Variants in DNAH7 observed in about 807,000 individuals in gnomAD.
DNAH7 encodes dynein axonemal heavy chain 7.
In DNAH7, 397 loss-of-function variants were observed where a neutral mutation model predicts 444.6. That is an observed-to-expected ratio of 0.89 (90% CI 0.82 to 0.97). The LOEUF (loss-of-function observed/expected upper bound fraction) is 0.97, where lower values mean the gene tolerates loss of function less well. DNAH7 is among the 50% of genes least tolerant of loss of function. The pLI is 0.00. For synonymous variants in DNAH7, 1,636 were observed against 1,624.4 expected, an observed-to-expected ratio of 1.01 and a Z score of -0.17; for missense variants, 4,902 against 4,800.8, an observed-to-expected ratio of 1.02 and a Z score of -0.62.
chr2:196,045,384 G>T (rs188690693), intron 5 of DNAH7, among the ~76,000 whole-genome samples: 5 of 152,006 alleles, frequency 3.3e-5, no homozygotes, highest in Admixed American at 2.0e-4. Context: ...GAGAGACAAA[G>T]AAAGAAAGGC....
chr2:195,835,096 T>G (rs971628607), intron 47 of DNAH7, among the ~76,000 whole-genome samples: 8 of 152,166 alleles, frequency 5.3e-5, no homozygotes, highest in African/African-American at 1.9e-4. Context: ...TATCTGCAAT[T>G]ACTGTATGAT....
intron 5 of DNAH7, among the ~76,000 whole-genome samples, chr2:196,033,090 A>G (rs1696161685): frequency 6.6e-6 from 1 of 152,228 alleles, no homozygotes; most frequent in Admixed American, 6.5e-5. Flanking sequence ...AAATTTGGAA[A>G]GGAAATGATA....
chr2:195,811,980 C>CA (rs1696992483), intron 51 of DNAH7, among the ~76,000 whole-genome samples: 1 of 152,160 alleles, frequency 6.6e-6, no homozygotes, highest in Non-Finnish European at 1.5e-5. Flanking sequence ...GCAACTTCCC[C>CA]AATCACTCCT....
At chr2:195,957,744 A>G (rs929281328) in intron 18 of DNAH7, among the ~76,000 whole-genome samples, 3 of 152,114 alleles carry the variant, frequency 2.0e-5, no homozygotes, top group Non-Finnish European at 2.9e-5. Context: ...GTTCTACAAA[A>G]TATGTTTAAA....
At chr2:195,882,935 G>A (rs1026229148) in intron 35 of DNAH7, among the ~76,000 whole-genome samples, 12 of 152,264 alleles carry the variant, frequency 7.9e-5, no homozygotes, top group African/African-American at 2.9e-4. Flanking sequence ...ACTCACTGAG[G>A]CTAGCACTGT....
At chr2:196,037,946 G>A (rs1696497884) in intron 5 of DNAH7, among the ~76,000 whole-genome samples, 1 of 152,052 alleles carries the variant, frequency 6.6e-6, no homozygotes, top group Admixed American at 6.6e-5. Context: ...AACATATATA[G>A]TTAATCTGTC....
intron 45 of DNAH7, among the ~76,000 whole-genome samples, chr2:195,855,271 ATT>A (rs1182635135): frequency 2.6e-5 from 4 of 152,146 alleles, no homozygotes; most frequent in African/African-American, 9.7e-5. Context: ...TTAGCAGTTA[ATT>A]TTTCCAAATG....
chr2:195,926,334 T>C, intron 22 of DNAH7, 92 bp downstream of exon 22: 1 of 1,142,776 alleles, frequency 8.8e-7, no homozygotes, highest in South Asian at 3.4e-5. Flanking sequence ...TTAAGTGAAC[T>C]GTATTTATTT....
Position 195,756,121 on chromosome 2 carries a change from A to G in DNAH7, c.11586+12T>C. 6.3e-7 allele frequency: 1 copy of G among 1,590,886 alleles called. No individual in the cohort carries two copies. Among genetic ancestry groups the G allele is most frequent in the Non-Finnish European group, 8.6e-7 (1 of 1,166,758 alleles). On this transcript the variant is annotated intron_variant, in intron 62 of 64. Transcript: ENST00000312428. ...GAAACTTAACAATATACGATCATTTAGACGAACTTACCTGCAAGAATTTTA... is the reference window on the plus strand; with the variant it reads ...GAAACTTAACAATATACGATCATTTGGACGAACTTACCTGCAAGAATTTTA...
At chr2:195,745,866 G>A (rs1693369012) in intron 63 of DNAH7, among the ~76,000 whole-genome samples, 1 of 152,108 alleles carries the variant, frequency 6.6e-6, no homozygotes, top group African/African-American at 2.4e-5. Flanking sequence ...AACATGGAAA[G>A]AACAACCGGT....
intron 15 of DNAH7, among the ~76,000 whole-genome samples, chr2:195,981,787 G>A (rs1009414922): frequency 1.3e-5 from 2 of 152,100 alleles, no homozygotes; most frequent in African/African-American, 2.4e-5. Flanking sequence ...CTAGACCTCT[G>A]TCTCTCAACA....
At position 195,845,054 on chromosome 2, in the gene DNAH7, T is replaced by C. The variant is rs781173927; in HGVS notation, c.8893A>G (p.Ile2965Val). The change falls in exon 47 of 65, where the codon ATT becomes GTT. Residue 2965 changes from isoleucine to valine, a missense_variant. Coordinates refer to ENST00000312428, the MANE Select transcript of DNAH7 (RefSeq NM_018897.3). ...AATGAGTCAGAAGGTAATCCAGCAATATTCCAAGTTCGAATTGTCACAGCT... is the reference window on the plus strand; with the variant it reads ...AATGAGTCAGAAGGTAATCCAGCAACATTCCAAGTTCGAATTGTCACAGCT... ...GEAVTIRTWN[I>V]AGLPSDSFSI... 1.9e-6 allele frequency: 3 copies of C among 1,613,912 alleles called. No homozygotes were observed. The highest frequency in any genetic ancestry group is 4.5e-5 in the East Asian group (2 of 44,820).
chr2:195,996,708 G>A (rs969876683), intron 12 of DNAH7, among the ~76,000 whole-genome samples: 13 of 152,084 alleles, frequency 8.5e-5, no homozygotes, highest in Non-Finnish European at 1.6e-4. Flanking sequence ...TTACAGGCAT[G>A]AGCCACCATG....
intron 61 of DNAH7, among the ~76,000 whole-genome samples, chr2:195,769,279 T>G (rs572944993): frequency 6.6e-6 from 1 of 151,776 alleles, no homozygotes; most frequent in East Asian, 1.9e-4. Context: ...GTCAAGGTGG[T>G]CTCGAATTCC....
chr2:195,941,072 C>T (rs1385796605), intron 19 of DNAH7, among the ~76,000 whole-genome samples: 2 of 152,030 alleles, frequency 1.3e-5, no homozygotes, highest in East Asian at 1.9e-4. Flanking sequence ...CACAAGCACA[C>T]GTATGTTTAT....
intron 35 of DNAH7, among the ~76,000 whole-genome samples, chr2:195,884,381 C>T (rs1437513823): frequency 6.6e-6 from 1 of 152,176 alleles, no homozygotes; most frequent in Non-Finnish European, 1.5e-5. Context: ...TCAACTAGTC[C>T]ATGGCTATAC....
chr2:195,911,625 T>C (rs919110362), intron 24 of DNAH7, among the ~76,000 whole-genome samples: 2 of 152,136 alleles, frequency 1.3e-5, no homozygotes, highest in South Asian at 2.1e-4. Context: ...GAAAATTACC[T>C]ACAAAAGAAT....
At chr2:195,777,000 A>G (rs959612131) in intron 59 of DNAH7, among the ~76,000 whole-genome samples, 2 of 152,146 alleles carry the variant, frequency 1.3e-5, no homozygotes, top group African/African-American at 4.8e-5. Context: ...TGCTGTACCC[A>G]ACAGTGACCT....
rs766841186 is a variant in DNAH7, at chr2:195,906,643, A to T, written c.4335+16T>A. 1 of 1,606,072 alleles carries T rather than the reference A, an allele frequency of 6.2e-7. No homozygotes were observed. Among genetic ancestry groups the T allele is most frequent in the South Asian group, 1.1e-5 (1 of 89,782 alleles). ...TTATAGAGAAGAAATAGATTATATA[A>T]TAACTCCTTCCATACCTTCAGGTTA... On this transcript the variant is annotated intron_variant, in intron 27 of 64. Transcript: ENST00000312428.
Sources: gnomAD v4.1 joint callset for allele counts (sites outside exome capture counted in the v4.1 genomes callset) on GRCh38, gnomAD v4.1.1 for gene constraint, MANE v1.5 for transcripts, NCBI Gene and HGNC (gene_info 2026-07-23, HGNC 2026-07-21) for gene names.